The following OR2C1 variants were observed in gnomAD, a reference collection of about 807,000 sequenced individuals.
The protein encoded by OR2C1 is olfactory receptor family 2 subfamily C member 1.
For missense variants in OR2C1, 468 were observed against 388.3 expected, an observed-to-expected ratio of 1.21 and a Z score of -1.73; for synonymous variants, 209 against 167.3, an observed-to-expected ratio of 1.25 and a Z score of -1.92.
At chr16:3,355,603 A>C (rs2030652923), upstream of OR2C1, among the ~76,000 whole-genome samples, 1 of 152,034 alleles carries the variant, frequency 6.6e-6, no homozygotes, top group East Asian at 1.9e-4. Flanking sequence ...GCAACATGGC[A>C]AAACCCCATC....
the OR2C1 span, among the ~76,000 whole-genome samples, chr16:3,327,000 A>G: frequency 6.6e-6 from 1 of 152,150 alleles, no homozygotes; most frequent in Non-Finnish European, 1.5e-5. Flanking sequence ...AGCCAATGTG[A>G]ATTGGGGTTT....
the OR2C1 span, among the ~76,000 whole-genome samples, chr16:3,337,070 G>C: frequency 6.6e-6 from 1 of 151,894 alleles, no homozygotes; most frequent in African/African-American, 2.4e-5. Context: ...GGTCAGGCTG[G>C]TCTCGAACTC....
chr16:3,351,220 C>CTTTCTTTTTTT (rs2030568553), upstream of OR2C1, among the ~76,000 whole-genome samples: 2 of 18,654 alleles, frequency 1.1e-4, no homozygotes, highest in African/African-American at 4.2e-4. Flanking sequence ...TTTTCTTTTT[C>CTTTCTTTTTTT]TTTTTCTTTT....
the OR2C1 span, among the ~76,000 whole-genome samples, chr16:3,336,711 TC>T: frequency 6.8e-4 from 93 of 137,552 alleles, 2 homozygotes; most frequent in Middle Eastern, 3.7e-3. Flanking sequence ...TTTCTTTCTT[TC>T]TTTTTTTTTT....
the OR2C1 span, among the ~76,000 whole-genome samples, chr16:3,340,730 A>G: frequency 6.6e-6 from 1 of 152,150 alleles, no homozygotes; most frequent in Non-Finnish European, 1.5e-5. Context: ...TGTCACCCTT[A>G]TGGAAAATAA....
At chr16:3,323,475 A>G in the OR2C1 span, 1 of 735,590 alleles carries the variant, frequency 1.4e-6, no homozygotes, top group Non-Finnish European at 2.5e-6. Flanking sequence ...TTCAGAATGA[A>G]TTCCCGGACA....
downstream of OR2C1, among the ~76,000 whole-genome samples, chr16:3,358,032 C>G (rs1207587776): frequency 6.6e-6 from 1 of 151,936 alleles, no homozygotes; most frequent in Non-Finnish European, 1.5e-5. Flanking sequence ...TCCATACTTT[C>G]CATCCATATA....
chr16:3,337,187 C>T, the OR2C1 span, among the ~76,000 whole-genome samples: 1 of 145,488 alleles, frequency 6.9e-6, no homozygotes, highest in African/African-American at 2.5e-5. Flanking sequence ...CAGAGGCTTG[C>T]TCTGTCTCCC....
chr16:3,358,021 G>T (rs771672626), downstream of OR2C1, among the ~76,000 whole-genome samples: 12 of 151,910 alleles, frequency 7.9e-5, no homozygotes, highest in Non-Finnish European at 1.5e-4. Flanking sequence ...TAGTATATCT[G>T]TCCATACTTT....
the OR2C1 span, among the ~76,000 whole-genome samples, chr16:3,350,055 C>CTTTTT: frequency 1.3e-3 from 131 of 102,724 alleles, 5 homozygotes; most frequent in African/African-American, 1.6e-3. Flanking sequence ...AAAAGGGAAT[C>CTTTTT]TTTTTTTTTT....
the OR2C1 span, among the ~76,000 whole-genome samples, chr16:3,347,787 C>A: frequency 6.6e-6 from 1 of 151,816 alleles, no homozygotes; most frequent in African/African-American, 2.4e-5. Context: ...CACACACGCA[C>A]ACACACATGC....
At chr16:3,343,562 GC>G in the OR2C1 span, among the ~76,000 whole-genome samples, 1 of 152,088 alleles carries the variant, frequency 6.6e-6, no homozygotes, top group Non-Finnish European at 1.5e-5. Flanking sequence ...GAACAGCCTG[GC>G]CAATGTGGTG....
At chr16:3,340,426 C>T in the OR2C1 span, among the ~76,000 whole-genome samples, 1 of 152,036 alleles carries the variant, frequency 6.6e-6, no homozygotes, top group Non-Finnish European at 1.5e-5. Flanking sequence ...TCTTTTTTCT[C>T]ATAATAATGC....
chr16:3,343,998 C>T, the OR2C1 span, among the ~76,000 whole-genome samples: 4 of 152,234 alleles, frequency 2.6e-5, no homozygotes, highest in African/African-American at 9.6e-5. Flanking sequence ...GTGGGGGGAT[C>T]ACTTGAGGTC....
At chr16:3,342,268 C>T in the OR2C1 span, among the ~76,000 whole-genome samples, 4 of 151,898 alleles carry the variant, frequency 2.6e-5, no homozygotes, top group African/African-American at 9.7e-5. Flanking sequence ...AAAATAAAAC[C>T]CTAAAAGCAC....
At chr16:3,346,043 C>A in the OR2C1 span, among the ~76,000 whole-genome samples, 1 of 152,120 alleles carries the variant, frequency 6.6e-6, no homozygotes, top group East Asian at 1.9e-4. Flanking sequence ...CTATGTTGCC[C>A]AGGCTGGTCT....
At chr16:3,352,242 G>A (rs533458146), upstream of OR2C1, among the ~76,000 whole-genome samples, 4 of 151,738 alleles carry the variant, frequency 2.6e-5, no homozygotes, top group South Asian at 2.1e-4. Flanking sequence ...TCAGCCTCCC[G>A]AGTAGCTGGG....
chr16:3,349,365 T>A, the OR2C1 span, among the ~76,000 whole-genome samples: 1 of 152,108 alleles, frequency 6.6e-6, no homozygotes. Context: ...GGCGTGGAGA[T>A]CTACCCTTGG....
At chr16:3,357,562 G>T (rs575588720), downstream of OR2C1, among the ~76,000 whole-genome samples, 299 of 152,190 alleles carry the variant, frequency 2.0e-3, 1 homozygote, top group Non-Finnish European at 3.0e-3. Context: ...TACAGATGGG[G>T]TCTCACTCTG....
Sources: gnomAD v4.1 joint callset for allele counts (sites outside exome capture counted in the v4.1 genomes callset) on GRCh38, gnomAD v4.1.1 for gene constraint, MANE v1.5 for transcripts, NCBI Gene and HGNC (gene_info 2026-07-23, HGNC 2026-07-21) for gene names.